RILPL2: variants seen among roughly 807,000 people sequenced by gnomAD.
RILPL2 encodes the protein RILP-like protein 2.
In RILPL2, 19 loss-of-function variants were observed where a neutral mutation model predicts 22.2. The ratio of observed to expected loss-of-function variants is 0.86; its 90% CI spans 0.60 to 1.25. RILPL2 has a LOEUF of 1.25. Ranked by LOEUF, RILPL2 falls within the 50% of genes most tolerant of loss-of-function variation. The pLI, the probability that RILPL2 is intolerant of heterozygous loss-of-function variation, is 0.00. For missense variants in RILPL2, 243 were observed against 263.6 expected, an observed-to-expected ratio of 0.92 and a Z score of 0.54; for synonymous variants, 123 against 111.6, an observed-to-expected ratio of 1.10 and a Z score of -0.64.
chr12:123,411,095 T>A (rs1019167758), downstream of RILPL2: 7 of 151,650 alleles, frequency 4.6e-5, no homozygotes, highest in Non-Finnish European at 1.0e-4. Context: ...CAGGCTGGAG[T>A]GCAGTGGTGC....
chr12:123,430,508 C>T lies in RILPL2; in HGVS notation c.491G>A (p.Ser164Asn). 2 of 1,603,758 alleles carry T rather than the reference C, an allele frequency of 1.2e-6. No homozygotes were observed. Among genetic ancestry groups the T allele is most frequent in the Admixed American group, 3.4e-5 (2 of 59,448 alleles). Residue 164 changes from serine to asparagine, a missense_variant and splice_region_variant, in exon 2 of 4, where the codon AGT (serine) becomes AAT (asparagine). Physicochemically the swap from Ser to Asn is conservative, Grantham distance 46 (BLOSUM62 1). Coordinates refer to ENST00000280571, the MANE Select transcript of RILPL2 (RefSeq NM_145058.3). The part of the protein sequence containing the change: ...VVQEELQCYK[S>N]GLIPPREGPG... ...GGACCCTCCAGGCAGTGGAGCCCAC[C>T]TCTTGTAGCACTGCAGCTCTTCCTG...
chr12:123,432,615 G>A (rs1478186120), intron 1 of RILPL2, among the ~76,000 whole-genome samples: 3 of 152,156 alleles, frequency 2.0e-5, no homozygotes, highest in East Asian at 1.9e-4. Context: ...TTAAGGCTGC[G>A]GTTTGAGAAG....
intron 2 of RILPL2, among the ~76,000 whole-genome samples, chr12:123,425,680 C>G (rs1879425321): frequency 6.9e-6 from 1 of 144,880 alleles, no homozygotes; most frequent in Non-Finnish European, 1.5e-5. Flanking sequence ...GAGACAGAGT[C>G]TTGCTGTCGC....
intron 2 of RILPL2, among the ~76,000 whole-genome samples, chr12:123,424,589 C>T (rs996380997): frequency 1.3e-5 from 2 of 152,152 alleles, no homozygotes; most frequent in Non-Finnish European, 2.9e-5. Flanking sequence ...CCTTGGCCTC[C>T]CAAAGTGTTG....
chr12:123,426,795 G>T (rs1879454691), intron 2 of RILPL2, among the ~76,000 whole-genome samples: 1 of 151,484 alleles, frequency 6.6e-6, no homozygotes, highest in Non-Finnish European at 1.5e-5. Context: ...GTAGAGACGG[G>T]GTTTCACTGT....
Position 123,430,978 on chromosome 12 carries a change from C to T in RILPL2, c.340-319G>A, listed in dbSNP as rs557444715. Among the ~76,000 whole-genome samples the T allele has an allele frequency of 5.8e-4, 88 of 152,244 alleles. 1 individual carries two copies. Among genetic ancestry groups the T allele is most frequent in the African/African-American group, 2.0e-3 (84 of 41,546 alleles). ...CCTCCCAAAGTGCTGGGATTACAGG[C>T]GTGAGCCACCGCGCCCGGCCTACGC... On this transcript the variant is annotated intron_variant, in intron 1 of 3. Coordinates refer to ENST00000280571, the MANE Select transcript of RILPL2 (RefSeq NM_145058.3).
rs898340050 is a variant in RILPL2 at position 123,415,125 on chromosome 12, C to T, written c.*766G>A. ...TTAGTTCCTTTGCGAAGTGCAGACACCCGCTCTCTGTTTCATTGATTCCTA... is the reference window on the plus strand; with the variant it reads ...TTAGTTCCTTTGCGAAGTGCAGACATCCGCTCTCTGTTTCATTGATTCCTA... On this transcript the variant is annotated 3_prime_UTR_variant, in exon 4 of 4. Coordinates refer to ENST00000280571, the MANE Select transcript of RILPL2 (RefSeq NM_145058.3). 2.0e-5 allele frequency: 3 copies of T among 152,118 alleles called. No individual in the cohort carries two copies. Among genetic ancestry groups the T allele is most frequent in the Non-Finnish European group, 4.4e-5 (3 of 68,036 alleles). The allele number at this position is 152,118 out of a possible 1,614,324, so 9.4% of individuals were successfully genotyped here. A position where few individuals can be genotyped will look rare whatever the true frequency, so the allele number is the denominator to read the frequency against.
chr12:123,424,309 G>A (rs1309097839), intron 2 of RILPL2, among the ~76,000 whole-genome samples: 1 of 150,800 alleles, frequency 6.6e-6, no homozygotes, highest in East Asian at 2.0e-4. Flanking sequence ...TAAATTGTAA[G>A]TCAGATGTTG....
At chr12:123,425,761 T>C (rs940297356) in intron 2 of RILPL2, among the ~76,000 whole-genome samples, 5 of 151,606 alleles carry the variant, frequency 3.3e-5, no homozygotes, top group Admixed American at 6.6e-5. Context: ...GCAATTCCCC[T>C]GCCCCAGCCT....
At chr12:123,410,454 C>G (rs1220392763), downstream of RILPL2, among the ~76,000 whole-genome samples, 1 of 152,182 alleles carries the variant, frequency 6.6e-6, no homozygotes, top group Non-Finnish European at 1.5e-5. Flanking sequence ...CAAGTCACTT[C>G]CCCTCTCTGA....
Position 123,415,727 on chromosome 12 carries a change from G to C in RILPL2, c.*164C>G. Reference sequence around the variant, plus strand: ...GTCTAGTTCTGCAGCCAGGGAGAAAGTGATGCCAAGAGAACCTCGTCTCCT... The same window carrying C: ...GTCTAGTTCTGCAGCCAGGGAGAAACTGATGCCAAGAGAACCTCGTCTCCT... On this transcript the variant is annotated 3_prime_UTR_variant, in exon 4 of 4. Coordinates refer to ENST00000280571, the MANE Select transcript of RILPL2 (RefSeq NM_145058.3). 2.7e-6 allele frequency: 2 copies of C among 749,530 alleles called. No homozygotes were observed. The highest frequency in any genetic ancestry group is 4.7e-6 in the Non-Finnish European group (2 of 421,406). The allele number at this position is 749,530 out of a possible 1,614,324, so 46.4% of individuals were successfully genotyped here.
chr12:123,424,023 T>C (rs71456796), intron 2 of RILPL2, among the ~76,000 whole-genome samples: 3,614 of 152,210 alleles, frequency 0.024, 64 homozygotes, highest in Middle Eastern at 0.075. Context: ...AGGAATATGA[T>C]TGTGTATAAA....
At position 123,430,644 on chromosome 12, in the gene RILPL2, T is replaced by C. The variant is rs1566093209; in HGVS notation, c.355A>G (p.Asn119Asp). ...TCTGTCAGGTCAACCACCATTTTGT[T>C]TGGGCCCAGGTTCACCTGGAAGAAA... ...PASGEVNLGP[N>D]KMVVDLTDPN... The change falls in exon 2 of 4, where the codon AAC becomes GAC. Residue 119 changes from asparagine to aspartate, a missense_variant. Transcript: ENST00000280571. The C allele has an allele frequency of 5.0e-6, 8 of 1,598,714 alleles. No homozygotes were observed. In the Admixed American group the frequency reaches 1.0e-4, roughly 20 times the overall value.
At position 123,430,502 on chromosome 12, in the gene RILPL2, G is replaced by A. The variant is rs765857295; in HGVS notation, c.491+6C>T. 72 of 1,601,106 alleles carry A rather than the reference G, an allele frequency of 4.5e-5. No homozygotes were observed. Among genetic ancestry groups the A allele is most frequent in the Non-Finnish European group, 5.9e-5 (69 of 1,172,606 alleles). On this transcript the variant is annotated splice_donor_region_variant and intron_variant, in intron 2 of 3. Coordinates refer to ENST00000280571, the MANE Select transcript of RILPL2 (RefSeq NM_145058.3). ...GGTGCAGGACCCTCCAGGCAGTGGA[G>A]CCCACCTCTTGTAGCACTGCAGCTC...
At chr12:123,413,674 T>TG (rs1184718772), downstream of RILPL2, 2 of 152,258 alleles carry the variant, frequency 1.3e-5, no homozygotes, top group Non-Finnish European at 2.9e-5. Flanking sequence ...CACTGCTGCC[T>TG]GGGGCAGCCT....
chr12:123,420,086 G>A (rs772508083), intron 3 of RILPL2, among the ~76,000 whole-genome samples: 23 of 144,916 alleles, frequency 1.6e-4, no homozygotes, highest in South Asian at 8.9e-4. Flanking sequence ...GTGCAGTGGT[G>A]TGATCTTGGC....
chr12:123,430,203 A>C (rs1879585205), intron 2 of RILPL2, among the ~76,000 whole-genome samples: 1 of 148,364 alleles, frequency 6.7e-6, no homozygotes, highest in South Asian at 2.1e-4. Context: ...AGGTCAGGAG[A>C]TCGAGACCAT....
chr12:123,419,465 A>G (rs1283858592), intron 3 of RILPL2, among the ~76,000 whole-genome samples: 1 of 152,184 alleles, frequency 6.6e-6, no homozygotes, highest in Non-Finnish European at 1.5e-5. Flanking sequence ...GCATGTTCCA[A>G]TGCTGGGACA....
intron 3 of RILPL2, among the ~76,000 whole-genome samples, chr12:123,422,688 C>T (rs888165933): frequency 5.9e-5 from 9 of 152,082 alleles, no homozygotes; most frequent in Non-Finnish European, 8.8e-5. Flanking sequence ...CACAGGGAGG[C>T]AGTGGAGTGT....
Sources: allele counts gnomAD v4.1 joint callset (sites outside exome capture counted in the v4.1 genomes callset), GRCh38; gene constraint gnomAD v4.1.1; transcripts MANE v1.5; gene names NCBI Gene and HGNC (gene_info 2026-07-23, HGNC 2026-07-21).